Variants in RGPD2 observed in about 807,000 individuals in gnomAD.
The protein encoded by RGPD2 is RANBP2-like and GRIP domain-containing protein 2.
In RGPD2, 2 loss-of-function variants were observed where a neutral mutation model predicts 36.0. The ratio of observed to expected loss-of-function variants is 0.06; its 90% CI spans 0.02 to 0.17. The LOEUF (loss-of-function observed/expected upper bound fraction) is 0.17. RGPD2 is among the 10% of genes least tolerant of loss of function. RGPD2 has a pLI of 1.00. For missense variants in RGPD2, 40 were observed against 464.3 expected (o/e 0.09, Z 8.40); for synonymous variants, 19 against 163.8 (o/e 0.12, Z 6.75).
chr2:87,911,045 CTGAT>C, the RGPD2 span, among the ~76,000 whole-genome samples: 1 of 143,022 alleles, frequency 7.0e-6, no homozygotes, highest in Non-Finnish European at 1.5e-5. Context: ...GATTCTAGTT[CTGAT>C]TGATTCATGC....
the RGPD2 span, among the ~76,000 whole-genome samples, chr2:87,872,975 G>A: frequency 0.017 from 2,622 of 152,160 alleles, 25 homozygotes; most frequent in African/African-American, 0.059. Context: ...GGCCAGGCTG[G>A]TCTTGAACTC....
intron 4 of RGPD2, among the ~76,000 whole-genome samples, chr2:87,813,166 C>CA (rs1686170415): frequency 1.3e-5 from 2 of 152,270 alleles, no homozygotes; most frequent in African/African-American, 2.4e-5. Context: ...TTCTGTCAGG[C>CA]AAAAAATGCT....
chr2:87,962,514 T>C, the RGPD2 span, among the ~76,000 whole-genome samples: 4 of 152,264 alleles, frequency 2.6e-5, no homozygotes, highest in Non-Finnish European at 5.9e-5. Flanking sequence ...CCAGTGTGTG[T>C]GACCCACATT....
At chr2:87,919,394 C>T in the RGPD2 span, among the ~76,000 whole-genome samples, 11 of 151,848 alleles carry the variant, frequency 7.2e-5, no homozygotes, top group African/African-American at 2.7e-4. Flanking sequence ...AATTAAATTA[C>T]ACTATGGGTA....
At chr2:87,952,031 A>C in the RGPD2 span, among the ~76,000 whole-genome samples, 1 of 152,270 alleles carries the variant, frequency 6.6e-6, no homozygotes, top group African/African-American at 2.4e-5. Flanking sequence ...GTTGAGTTGT[A>C]TGCTCACCAA....
the RGPD2 span, among the ~76,000 whole-genome samples, chr2:87,876,155 A>T: frequency 1.3e-5 from 2 of 151,254 alleles, no homozygotes; most frequent in East Asian, 3.8e-4. Context: ...TTTCTCTTAA[A>T]AAAACAGCTT....
chr2:87,866,108 CAT>C, the RGPD2 span, among the ~76,000 whole-genome samples: 3 of 131,730 alleles, frequency 2.3e-5, no homozygotes, highest in African/African-American at 8.2e-5. Context: ...CAGTTTTGTT[CAT>C]AGTTGCATCT....
chr2:87,881,334 G>A, the RGPD2 span, among the ~76,000 whole-genome samples: 1 of 152,266 alleles, frequency 6.6e-6, no homozygotes, highest in Non-Finnish European at 1.5e-5. Context: ...GGTACACTGT[G>A]TGGTGCCTTC....
chr2:87,847,085 A>T, the RGPD2 span, among the ~76,000 whole-genome samples: 2 of 152,204 alleles, frequency 1.3e-5, no homozygotes, highest in Non-Finnish European at 2.9e-5. Context: ...GTGGTAATTC[A>T]TCAAATTGGT....
At chr2:87,984,857 G>T in the RGPD2 span, among the ~76,000 whole-genome samples, 4 of 151,160 alleles carry the variant, frequency 2.6e-5, no homozygotes, top group Non-Finnish European at 4.4e-5. Context: ...ATGAACCCAG[G>T]AGGCAGAGCC....
intron 1 of RGPD2, among the ~76,000 whole-genome samples, chr2:87,825,369 C>T (rs1425142730): frequency 2.1e-5 from 3 of 141,662 alleles, no homozygotes; most frequent in Non-Finnish European, 3.1e-5. Context: ...GGCTCCTACG[C>T]CGAGGCCGCC....
the RGPD2 span, among the ~76,000 whole-genome samples, chr2:87,906,646 C>T: frequency 6.8e-6 from 1 of 147,602 alleles, no homozygotes; most frequent in Non-Finnish European, 1.5e-5. Context: ...ATAGTACCTT[C>T]CTCATAGGAG....
the RGPD2 span, among the ~76,000 whole-genome samples, chr2:87,839,188 A>G: frequency 6.6e-6 from 1 of 152,072 alleles, no homozygotes; most frequent in Non-Finnish European, 1.5e-5. Context: ...CAAAAAACAA[A>G]CAACCCCATT....
At chr2:87,868,720 T>C in the RGPD2 span, among the ~76,000 whole-genome samples, 2 of 151,886 alleles carry the variant, frequency 1.3e-5, 1 homozygote, top group Non-Finnish European at 2.9e-5. Flanking sequence ...ATTCCATCTC[T>C]CTGGAAAAAC....
chr2:87,957,762 T>G, the RGPD2 span, among the ~76,000 whole-genome samples: 1 of 152,302 alleles, frequency 6.6e-6, no homozygotes, highest in African/African-American at 2.4e-5. Context: ...ATTGTGGTTT[T>G]CTTCCCCTTG....
At chr2:87,915,142 C>T in the RGPD2 span, among the ~76,000 whole-genome samples, 10 of 151,342 alleles carry the variant, frequency 6.6e-5, no homozygotes, top group African/African-American at 2.4e-4. Context: ...AGCAAAACTC[C>T]GTCTCAAAAA....
At chr2:87,863,537 C>T in the RGPD2 span, among the ~76,000 whole-genome samples, 1,191 of 151,898 alleles carry the variant, frequency 7.8e-3, 5 homozygotes, top group South Asian at 0.025. Context: ...AGCTAAGATG[C>T]TTGCTGAAGG....
chr2:87,877,391 G>A, the RGPD2 span, among the ~76,000 whole-genome samples: 7 of 152,418 alleles, frequency 4.6e-5, no homozygotes, highest in African/African-American at 7.2e-5. Context: ...TTGCAAGGCA[G>A]GCCTTGTGGT....
At chr2:87,830,325 A>G (rs1445449116), upstream of RGPD2, among the ~76,000 whole-genome samples, 1 of 152,264 alleles carries the variant, frequency 6.6e-6, no homozygotes, top group African/African-American at 2.4e-5. Flanking sequence ...ACATCCTCTG[A>G]AATCTATCTA....
Sources: allele counts gnomAD v4.1 joint callset (sites outside exome capture counted in the v4.1 genomes callset), GRCh38; gene constraint gnomAD v4.1.1; transcripts MANE v1.5; gene names NCBI Gene and HGNC (gene_info 2026-07-23, HGNC 2026-07-21).